Variants in SMURF2 observed in about 807,000 individuals in gnomAD.
SMURF2 encodes SMAD specific E3 ubiquitin protein ligase 2, also known as E3 ubiquitin-protein ligase SMURF2.
A neutral mutation model predicts 109.6 loss-of-function variants in SMURF2; 48 were observed. That is an observed-to-expected ratio of 0.44 (90% CI 0.35 to 0.56). The LOEUF (loss-of-function observed/expected upper bound fraction) is 0.56. Ranked by LOEUF, SMURF2 falls within the 20% of genes least tolerant of loss-of-function variation. The pLI is 0.01. For synonymous variants in SMURF2, 288 were observed against 317.1 expected (o/e 0.91, Z 0.97); for missense variants, 575 against 909.0 (o/e 0.63, Z 4.72).
intron 2 of SMURF2, 105 bp downstream of exon 2, chr17:64,606,497 C>T (rs1178504693): frequency 3.6e-6 from 3 of 829,598 alleles, no homozygotes; most frequent in Non-Finnish European, 5.7e-6. Flanking sequence ...TAAAATAACA[C>T]TGACAATACT....
At chr17:64,562,296 AAAAAAAAAAAAAAAAAAG>A (rs1254854261) in intron 11 of SMURF2, among the ~76,000 whole-genome samples, 2 of 149,556 alleles carry the variant, frequency 1.3e-5, no homozygotes, top group African/African-American at 4.9e-5. Flanking sequence ...AAAAAAAAAA[AAAAAAAAAAAAAAAAAAG>A]AGAGAGAGAG....
chr17:64,547,883 A>G lies in SMURF2; in HGVS notation c.1870-82T>C. The stretch of plus-strand genomic sequence containing the variant: ...CCTCAAAAGAGAACTTTAGGTTTGT[A>G]CTGCTGGCTGTCATTTGGTGGTTCC... On this transcript the variant is annotated intron_variant, in intron 16 of 18. Coordinates refer to ENST00000262435, the MANE Select transcript of SMURF2 (RefSeq NM_022739.4). This position sits in a 1 kb window ranked among gnomAD's most constrained non-coding sequence, Gnocchi z 4.2. The G allele has an allele frequency of 8.5e-7, 1 of 1,176,234 alleles. No homozygotes were observed. Among genetic ancestry groups the G allele is most frequent in the Non-Finnish European group, 1.3e-6 (1 of 797,100 alleles). The allele number at this position is 1,176,234 out of a possible 1,614,324, so 72.9% of individuals were successfully genotyped here. A position where few individuals can be genotyped will look rare whatever the true frequency, so the allele number is the denominator to read the frequency against.
chr17:64,655,919 TACTAA>T (rs751371658), intron 1 of SMURF2, among the ~76,000 whole-genome samples: 4 of 151,898 alleles, frequency 2.6e-5, no homozygotes, highest in African/African-American at 4.8e-5. Flanking sequence ...CTAGTGAGAA[TACTAA>T]ACTAAATTAT....
At chr17:64,548,934 T>C (rs1222330122) in intron 16 of SMURF2, among the ~76,000 whole-genome samples, 2 of 152,286 alleles carry the variant, frequency 1.3e-5, no homozygotes, top group East Asian at 1.9e-4. Context: ...CTGTATTTTA[T>C]AGAATTACAC....
At chr17:64,616,380 G>T (rs559030493) in intron 1 of SMURF2, among the ~76,000 whole-genome samples, 4 of 152,024 alleles carry the variant, frequency 2.6e-5, no homozygotes, top group African/African-American at 9.6e-5. Context: ...GGCTGGGCAC[G>T]GTGGCTCTGC....
rs1309617746 is a variant in SMURF2 at position 64,662,020 on chromosome 17, C to G, written c.-140G>C. 2 of 1,114,416 alleles carry G rather than the reference C, an allele frequency of 1.8e-6. No homozygotes were observed. The highest frequency in any genetic ancestry group is 2.2e-6 in the Non-Finnish European group (2 of 913,266). The allele number at this position is 1,114,416 out of a possible 1,614,324, so 69.0% of individuals were successfully genotyped here. On this transcript the variant is annotated 5_prime_UTR_variant, in exon 1 of 19. Transcript: ENST00000262435. Reference sequence around the variant, plus strand: ...CACGGCCGGAGGGTCCCGGATGTGCCGAGAGTCGTCGCCATGAGCCGCGGA... The same window carrying G: ...CACGGCCGGAGGGTCCCGGATGTGCGGAGAGTCGTCGCCATGAGCCGCGGA...
At chr17:64,597,860 GAATA>G (rs1555688229) in intron 3 of SMURF2, among the ~76,000 whole-genome samples, 1 of 151,796 alleles carries the variant, frequency 6.6e-6, no homozygotes, top group African/African-American at 2.4e-5. Context: ...GAAAATACCA[GAATA>G]AACAGCCAAA....
Position 64,606,582 on chromosome 17 carries a change from TTTAAAG to T in SMURF2, c.91+14_91+19del, listed in dbSNP as rs543895897. ...AAAGATCTACATACAATACACAAGA[TTTAAAG>T]TTAATTTACTTACGGAAAAAATCCT... On this transcript the variant is annotated intron_variant, in intron 2 of 18. Coordinates refer to ENST00000262435, the MANE Select transcript of SMURF2 (RefSeq NM_022739.4). 8.6e-4 allele frequency: 1,305 copies of T among 1,511,382 alleles called. 18 individuals carry two copies. Among genetic ancestry groups the T allele is most frequent in the South Asian group, 8.5e-3 (688 of 81,304 alleles). 93.6% of individuals were successfully genotyped at this position (1,511,382 alleles called of 1,614,324 possible).
chr17:64,611,106 T>C (rs1970037980), intron 1 of SMURF2, among the ~76,000 whole-genome samples: 1 of 152,186 alleles, frequency 6.6e-6, no homozygotes, highest in East Asian at 1.9e-4. Context: ...TTCTTCAGGG[T>C]TTTGCCCTAG....
intron 2 of SMURF2, among the ~76,000 whole-genome samples, 177 bp from the exon 3 acceptor site, chr17:64,598,667 T>C (rs1280394297): frequency 6.6e-6 from 1 of 152,230 alleles, no homozygotes; most frequent in Non-Finnish European, 1.5e-5. Flanking sequence ...CTACATTAAA[T>C]ACCAAAACTA....
chr17:64,605,215 G>A lies in SMURF2; in HGVS notation c.91+1387C>T, dbSNP rs1216615316. On this transcript the variant is annotated intron_variant, in intron 2 of 18. Transcript: ENST00000262435. ...CCTTCCACTGTGACAAGCTTCTGGC[G>A]AGAAGGCACATGGTACATAAATTTA... Among the ~76,000 whole-genome samples the A allele has an allele frequency of 3.9e-5, 6 of 152,212 alleles. No homozygotes were observed. The East Asian group carries it at 7.7e-4, about 20-fold the overall frequency.
intron 1 of SMURF2, among the ~76,000 whole-genome samples, chr17:64,617,340 T>C (rs1970140528): frequency 6.6e-6 from 1 of 152,198 alleles, no homozygotes; most frequent in Non-Finnish European, 1.5e-5. Flanking sequence ...TTTAACTTAA[T>C]ATATTCAGTA....
At position 64,606,443 on chromosome 17, in the gene SMURF2, A is replaced by T. The variant is rs1388217603; in HGVS notation, c.91+159T>A. ...CCTAAAAAGCACAAAACCTTCTAAA[A>T]AAAAAATGTGATGCCAAATGGCTCT... On this transcript the variant is annotated intron_variant, in intron 2 of 18. Coordinates refer to ENST00000262435, the MANE Select transcript of SMURF2 (RefSeq NM_022739.4). Among the ~76,000 whole-genome samples the T allele has an allele frequency of 2.0e-5, 3 of 152,198 alleles. No homozygotes were observed. In the East Asian group the frequency reaches 5.8e-4, roughly 29 times the overall value.
At chr17:64,660,392 A>AG (rs1179849869) in intron 1 of SMURF2, among the ~76,000 whole-genome samples, 2 of 151,742 alleles carry the variant, frequency 1.3e-5, no homozygotes, top group African/African-American at 4.8e-5. Flanking sequence ...ACACTGAATG[A>AG]GGGGGGAGGG....
chr17:64,593,299 A>G, intron 4 of SMURF2, 141 bp downstream of exon 4: 1 of 614,848 alleles, frequency 1.6e-6, no homozygotes, highest in Non-Finnish European at 2.2e-6. Context: ...AGCCCTACCA[A>G]CATACTCAAA....
intron 9 of SMURF2, chr17:64,573,142 A>AGGAGGAGGAGGAGGAGGG (rs1969425730): frequency 2.7e-5 from 1 of 36,876 alleles, no homozygotes; most frequent in Non-Finnish European, 4.7e-5. Flanking sequence ...GAGGAGGAGG[A>AGGAGGAGGAGGAGGAGGG]GGAGGAGGAG....
intron 8 of SMURF2, among the ~76,000 whole-genome samples, chr17:64,579,791 G>T (rs1245563409): frequency 6.6e-6 from 1 of 152,126 alleles, no homozygotes; most frequent in African/African-American, 2.4e-5. Flanking sequence ...GGCTCAAAGA[G>T]GTTAAATAAT....
chr17:64,579,406 TATA>T (rs1200863159), intron 8 of SMURF2, among the ~76,000 whole-genome samples: 3 of 152,140 alleles, frequency 2.0e-5, no homozygotes, highest in Non-Finnish European at 4.4e-5. Context: ...TTTATAAACG[TATA>T]ATGTCAATAA....
At chr17:64,637,815 T>C (rs1555692211) in intron 1 of SMURF2, among the ~76,000 whole-genome samples, 1 of 151,252 alleles carries the variant, frequency 6.6e-6, no homozygotes, top group Non-Finnish European at 1.5e-5. Context: ...CCACCCACCT[T>C]GGCCTTCCAA....
Sources: allele counts gnomAD v4.1 joint callset (sites outside exome capture counted in the v4.1 genomes callset), GRCh38; gene constraint gnomAD v4.1.1; non-coding constraint Gnocchi (gnomAD v3.1); transcripts MANE v1.5; gene names NCBI Gene and HGNC (gene_info 2026-07-23, HGNC 2026-07-21).